NOD1: variants seen among roughly 807,000 people sequenced by gnomAD.
The protein encoded by NOD1 is nucleotide-binding oligomerization domain-containing protein 1.
A neutral mutation model predicts 81.2 loss-of-function variants in NOD1; 70 were observed. That is an observed-to-expected ratio of 0.86 (90% CI 0.71 to 1.05). The LOEUF is 1.05. NOD1 is among the 50% of genes least tolerant of loss of function. The probability of loss-of-function intolerance (pLI) is 0.00; values close to 1 mark genes in which losing one functional copy is unlikely to be tolerated. For synonymous variants in NOD1, 508 were observed against 526.9 expected, an observed-to-expected ratio of 0.96 and a Z score of 0.49; for missense variants, 1,233 against 1,228.0, an observed-to-expected ratio of 1.00 and a Z score of -0.06.
chr7:30,471,252 C>T (rs1273639493), intron 1 of NOD1, among the ~76,000 whole-genome samples: 1 of 152,132 alleles, frequency 6.6e-6, no homozygotes, highest in Non-Finnish European at 1.5e-5. Context: ...AGAGCCATAA[C>T]CCCTAAAGCA....
chr7:30,470,082 G>C (rs998184433), intron 1 of NOD1, among the ~76,000 whole-genome samples: 1 of 152,226 alleles, frequency 6.6e-6, no homozygotes, highest in Admixed American at 6.5e-5. Context: ...GTTGGTAGTG[G>C]CAGTGAAGGA....
Position 30,452,871 on chromosome 7 carries a change from G to T in NOD1, c.546C>A (p.Cys182Ter). The change falls in exon 6 of 14, where the codon TGC becomes TGA. Residue 182 changes from cysteine to a stop codon, truncating the protein, a stop_gained. Transcript: ENST00000222823. LOFTEE classifies it high-confidence loss of function. The part of the protein sequence containing the change: ...ESLGSLNSLA[C>*]LLDHTTGILN... ...GGATGCCGGTGGTGTGGTCCAGGAG[G>T]CAGGCCAGGCTGTTCAGGCTGCCCA... The T allele has an allele frequency of 2.5e-6, 4 of 1,614,100 alleles. No homozygotes were observed. Among genetic ancestry groups the T allele is most frequent in the Non-Finnish European group, 3.4e-6 (4 of 1,180,026 alleles).
chr7:30,450,529 C>G (rs1204035650), intron 6 of NOD1, among the ~76,000 whole-genome samples: 1 of 152,186 alleles, frequency 6.6e-6, no homozygotes, highest in Non-Finnish European at 1.5e-5. Context: ...GCTCTGTTTC[C>G]CGTAAACTAT....
intron 1 of NOD1, among the ~76,000 whole-genome samples, chr7:30,465,513 G>T (rs1166152759): frequency 2.0e-5 from 3 of 152,178 alleles, no homozygotes; most frequent in African/African-American, 7.2e-5. Flanking sequence ...CTCCCAGCAT[G>T]AGCAGACAAG....
intron 6 of NOD1, 144 bp from the exon 7 acceptor site, chr7:30,448,525 C>A: frequency 1.4e-6 from 1 of 693,812 alleles, no homozygotes; most frequent in Non-Finnish European, 2.5e-6. Context: ...AGCAATCAGC[C>A]AAATAGCCCC....
intron 5 of NOD1, 23 bp from the exon 6 acceptor site, chr7:30,453,063 C>T: frequency 1.3e-6 from 2 of 1,585,456 alleles, no homozygotes; most frequent in Non-Finnish European, 8.6e-7. Context: ...GGTGGCAGGG[C>T]ACAGCAGCAG....
At chr7:30,477,607 C>T (rs962959868) in intron 1 of NOD1, among the ~76,000 whole-genome samples, 2 of 152,130 alleles carry the variant, frequency 1.3e-5, no homozygotes, top group African/African-American at 2.4e-5. Flanking sequence ...CTCTGCCTCC[C>T]GGGTTCAAGC....
chr7:30,474,030 T>C (rs1788529300), intron 1 of NOD1, among the ~76,000 whole-genome samples: 1 of 152,198 alleles, frequency 6.6e-6, no homozygotes, highest in African/African-American at 2.4e-5. Context: ...CTATTCTTAT[T>C]TAGGGTCTAC....
intron 9 of NOD1, among the ~76,000 whole-genome samples, chr7:30,445,152 C>A (rs1583706531): frequency 1.2e-5 from 1 of 84,258 alleles, no homozygotes; most frequent in Non-Finnish European, 2.2e-5. Flanking sequence ...GGGAGATATA[C>A]CTAATGCTAG....
Position 30,452,066 on chromosome 7 carries a change from C to T in NOD1, c.1351G>A (p.Glu451Lys), listed in dbSNP as rs1350890897. 1 of 1,613,628 alleles carries T rather than the reference C, an allele frequency of 6.2e-7. No individual in the cohort carries two copies. Among genetic ancestry groups the T allele is most frequent in the Non-Finnish European group, 8.5e-7 (1 of 1,180,000 alleles). Residue 451 changes from glutamate to lysine, a missense_variant, in exon 6 of 14, where the codon GAG (glutamate) becomes AAG (lysine). Coordinates refer to ENST00000222823, the MANE Select transcript of NOD1 (RefSeq NM_006092.4). Reference sequence around the variant, plus strand: ...GTGTCCCGGCCGGCGTGGAGGGTCTCCACTGGGCTGCGTGTGTTCCGCTGC... The same window carrying T: ...GTGTCCCGGCCGGCGTGGAGGGTCTTCACTGGGCTGCGTGTGTTCCGCTGC... ...LVQRNTRSPV[E>K]TLHAGRDTLC... is the part of the protein sequence containing the mutation.
chr7:30,432,716 TG>T (rs975220978), intron 12 of NOD1, among the ~76,000 whole-genome samples: 4 of 152,208 alleles, frequency 2.6e-5, no homozygotes, highest in African/African-American at 9.6e-5. Flanking sequence ...ATTAATAAAC[TG>T]CAAAATTTCC....
chr7:30,476,067 G>A (rs1788747511), intron 1 of NOD1: 1 of 152,056 alleles, frequency 6.6e-6, no homozygotes, highest in African/African-American at 2.4e-5. Context: ...TTCAGCATAA[G>A]TACACATTTT....
At position 30,446,063 on chromosome 7, in the gene NOD1, T is replaced by G. The variant is rs1451965033; in HGVS notation, c.2453+78A>C. ...CCCAGTGGTCCTTCTGGTGTACTGA[T>G]GTATGAAAAGAACAGCAAGGCCCGC... On this transcript the variant is annotated intron_variant, in intron 9 of 13. Transcript: ENST00000222823. 2.8e-6 allele frequency: 3 copies of G among 1,064,864 alleles called. No homozygotes were observed. In the East Asian group the frequency reaches 7.1e-5, roughly 25 times the overall value. The allele number at this position is 1,064,864 out of a possible 1,614,324, so 66.0% of individuals were successfully genotyped here.
chr7:30,438,956 T>G (rs1204776183), intron 9 of NOD1, among the ~76,000 whole-genome samples: 1 of 152,214 alleles, frequency 6.6e-6, no homozygotes, highest in Non-Finnish European at 1.5e-5. Context: ...TAAAATTACC[T>G]GTGTTCCTTT....
chr7:30,478,526 T>A lies in NOD1; in HGVS notation c.-352+80A>T, dbSNP rs1246182460. On this transcript the variant is annotated intron_variant, in intron 1 of 13. Transcript: ENST00000222823. The surrounding 1 kb of genome is among the most constrained non-coding windows in gnomAD (Gnocchi z 4.1). ...GTTCCGCCCGCACGCAAATCCCGCC[T>A]CCCTGCGCCTCCTCACTCGCAGCGC... The A allele has an allele frequency of 6.6e-6, 1 of 152,382 alleles. No homozygotes were observed. The highest frequency in any genetic ancestry group is 2.4e-5 in the African/African-American group (1 of 41,428). The allele number at this position is 152,382 out of a possible 1,614,324, so 9.4% of individuals were successfully genotyped here. A position where few individuals can be genotyped will look rare whatever the true frequency, so the allele number is the denominator to read the frequency against.
At chr7:30,445,867 T>C (rs1021104472) in intron 9 of NOD1, among the ~76,000 whole-genome samples, 9 of 151,044 alleles carry the variant, frequency 6.0e-5, no homozygotes, top group African/African-American at 2.0e-4. Context: ...AGGCAAATAC[T>C]GTATGATTCC....
intron 1 of NOD1, chr7:30,468,817 T>TA (rs1271251127): frequency 1.0e-6 from 1 of 985,098 alleles, no homozygotes; most frequent in Non-Finnish European, 1.2e-6. Context: ...TTGGTGAATT[T>TA]AATCCACAGG....
chr7:30,458,089 A>T (rs1786575712), intron 3 of NOD1, among the ~76,000 whole-genome samples: 1 of 152,252 alleles, frequency 6.6e-6, no homozygotes, highest in Non-Finnish European at 1.5e-5. Context: ...ACAAGTGCTG[A>T]GTTTCTTGTC....
intron 1 of NOD1, among the ~76,000 whole-genome samples, chr7:30,473,619 A>C (rs969147638): frequency 2.6e-5 from 4 of 152,162 alleles, no homozygotes; most frequent in Admixed American, 2.6e-4. Context: ...TGGAAGTGGG[A>C]GGAGGCGACA....
Sources: gnomAD v4.1 joint callset for allele counts (sites outside exome capture counted in the v4.1 genomes callset) on GRCh38, gnomAD v4.1.1 for gene constraint, Gnocchi (gnomAD v3.1) non-coding constraint, MANE v1.5 for transcripts, NCBI Gene and HGNC (gene_info 2026-07-23, HGNC 2026-07-21) for gene names.